Variants in RHCG observed in about 807,000 individuals in gnomAD.
The protein encoded by RHCG is Rh family C glycoprotein.
Under a neutral mutation model 55.3 loss-of-function variants are expected in RHCG, and 39 were observed. The ratio of observed to expected loss-of-function variants is 0.70; its 90% CI spans 0.55 to 0.92. RHCG has a LOEUF of 0.92. RHCG is among the 40% of genes least tolerant of loss of function. RHCG has a pLI of 0.00. For missense variants in RHCG, 635 were observed against 627.9 expected (o/e 1.01, Z -0.12); for synonymous variants, 250 against 246.8 (o/e 1.01, Z -0.12).
At chr15:89,491,773 A>C (rs1450883931) in intron 1 of RHCG, among the ~76,000 whole-genome samples, 1 of 148,454 alleles carries the variant, frequency 6.7e-6, no homozygotes, top group Non-Finnish European at 1.5e-5. Flanking sequence ...TCTCAAAAAA[A>C]TAAAAATTAA....
intron 8 of RHCG, 75 bp from the exon 9 acceptor site, chr15:89,476,903 G>A (rs2141888901): frequency 1.9e-6 from 3 of 1,552,108 alleles, no homozygotes; most frequent in Non-Finnish European, 2.7e-6. Context: ...CCCTCAGCTG[G>A]GAAAATCCTC....
chr15:89,476,850 AG>A, intron 8 of RHCG, 22 bp from the exon 9 acceptor site: 2 of 1,605,370 alleles, frequency 1.2e-6, no homozygotes, highest in Non-Finnish European at 1.7e-6. Context: ...TGGAGATTAC[AG>A]GATGTCAGGA....
intron 3 of RHCG, among the ~76,000 whole-genome samples, 200 bp downstream of exon 3, chr15:89,482,867 T>C (rs1185468204): frequency 6.6e-6 from 1 of 152,212 alleles, no homozygotes; most frequent in Non-Finnish European, 1.5e-5. Context: ...GTCCACGTGC[T>C]GGATTGATGG....
intron 9 of RHCG, 21 bp from the exon 10 acceptor site, chr15:89,472,884 T>C (rs1306356492): frequency 7.1e-7 from 1 of 1,416,530 alleles, no homozygotes; most frequent in African/African-American, 1.5e-5. Flanking sequence ...AGGATGCAAC[T>C]CTGAGGGCCC....
intron 3 of RHCG, among the ~76,000 whole-genome samples, 198 bp from the exon 4 acceptor site, chr15:89,480,606 C>G (rs185995321): frequency 5.9e-4 from 90 of 152,312 alleles, no homozygotes; most frequent in Admixed American, 1.2e-3. Context: ...AGCAAAATGC[C>G]AGGGTGTCCT....
chr15:89,494,985 C>A (rs972713991), intron 1 of RHCG, among the ~76,000 whole-genome samples: 2 of 152,030 alleles, frequency 1.3e-5, no homozygotes, highest in Admixed American at 6.6e-5. Flanking sequence ...CTGGAAAGTC[C>A]CCCCCTTGAG....
intron 2 of RHCG, 91 bp downstream of exon 2, chr15:89,486,708 C>T: frequency 7.0e-7 from 1 of 1,422,480 alleles, no homozygotes; most frequent in Non-Finnish European, 9.6e-7. Context: ...GCCCGGGTCC[C>T]GCCGATGGGC....
Position 89,477,825 on chromosome 15 carries a change from T to TGG in RHCG, c.975+10_975+11dup. On this transcript the variant is annotated intron_variant, in intron 6 of 10. Transcript: ENST00000268122. The surrounding 1 kb of genome is among the most constrained non-coding windows in gnomAD (Gnocchi z 4.5). Reference sequence around the variant, plus strand: ...ATTCTCTAGCCCCCAGCCCCTTGCCTGGGGCACTTACGGTCAGGTATACAA... The same window carrying TGG: ...ATTCTCTAGCCCCCAGCCCCTTGCCTGGGGGGCACTTACGGTCAGGTATACAA... 1 of 1,613,894 alleles carries TGG rather than the reference T, an allele frequency of 6.2e-7. No homozygotes were observed. Among genetic ancestry groups the TGG allele is most frequent in the Non-Finnish European group, 8.5e-7 (1 of 1,179,942 alleles).
intron 1 of RHCG, among the ~76,000 whole-genome samples, chr15:89,493,873 T>A (rs945879447): frequency 6.6e-6 from 1 of 152,086 alleles, no homozygotes; most frequent in African/African-American, 2.4e-5. Context: ...ATGGGGGTCA[T>A]CACACCACCT....
At chr15:89,487,508 T>C (rs1961397588) in intron 1 of RHCG, among the ~76,000 whole-genome samples, 1 of 152,176 alleles carries the variant, frequency 6.6e-6, no homozygotes, top group Admixed American at 6.5e-5. Context: ...CTGTGGAGAA[T>C]CAATGCTCAT....
rs1295048593 is a variant in RHCG, at chr15:89,474,905, C to A, written c.1311+1850G>T. Among the ~76,000 whole-genome samples, 80 of 138,524 alleles carry A rather than the reference C, an allele frequency of 5.8e-4. 1 individual carries two copies. Among genetic ancestry groups the A allele is most frequent in the African/African-American group, 2.3e-3 (73 of 32,078 alleles). The allele number at this position is 138,524 out of a possible 152,430, so 90.9% of individuals were successfully genotyped here. A position where few individuals can be genotyped will look rare whatever the true frequency, so the allele number is the denominator to read the frequency against. On this transcript the variant is annotated intron_variant, in intron 9 of 10. Transcript: ENST00000268122. ...TCCTGCCTGCCTTCCTTCCTTCCTG[C>A]CTGCCTTCCTTCCTGCCTGCCTGCC... is the stretch of plus-strand genomic sequence containing the variant.
At chr15:89,494,624 T>C (rs1596410505) in intron 1 of RHCG, among the ~76,000 whole-genome samples, 2 of 150,778 alleles carry the variant, frequency 1.3e-5, no homozygotes, top group South Asian at 2.1e-4. Context: ...TCTCTCTCTC[T>C]CTCATTTCTT....
intron 1 of RHCG, among the ~76,000 whole-genome samples, chr15:89,495,999 G>A (rs573518608): frequency 2.0e-5 from 3 of 152,348 alleles, no homozygotes; most frequent in East Asian, 1.9e-4. Context: ...CTTATTTGGA[G>A]TAAGCGCTCC....
Position 89,476,824 on chromosome 15 carries a change from G to A in RHCG, c.1242C>T (p.Leu414=), listed in dbSNP as rs748954655. Residue 414 remains leucine, a synonymous_variant, in exon 9 of 11, where the codon CTC becomes CTT. Transcript: ENST00000268122. Reference sequence around the variant, plus strand: ...GTCCCCAGAATGGTAATCTCAAAATGAGCCCTACAGAAAGTTGGAGATTAC... The same window carrying A: ...GTCCCCAGAATGGTAATCTCAAAATAAGCCCTACAGAAAGTTGGAGATTAC... ...MALMGGIIVG[L]ILRLPFWGQP... is the part of the protein sequence containing the mutation. 1.2e-5 allele frequency: 19 copies of A among 1,613,666 alleles called. No homozygotes were observed. Among genetic ancestry groups the A allele is most frequent in the Middle Eastern group, 1.7e-4 (1 of 6,060 alleles).
At chr15:89,493,815 C>T (rs1300072479) in intron 1 of RHCG, among the ~76,000 whole-genome samples, 1 of 152,182 alleles carries the variant, frequency 6.6e-6, no homozygotes, top group African/African-American at 2.4e-5. Context: ...GCTGAGTGAC[C>T]TTTGCAAGAC....
intron 9 of RHCG, among the ~76,000 whole-genome samples, chr15:89,473,297 A>G (rs1462872259): frequency 1.3e-5 from 2 of 152,176 alleles, no homozygotes; most frequent in African/African-American, 4.8e-5. Flanking sequence ...ACAGGTCCGA[A>G]AATGGGGTGG....
chr15:89,478,036 G>A (rs1275105171), intron 5 of RHCG, 62 bp from the exon 6 acceptor site: 2 of 1,543,722 alleles, frequency 1.3e-6, no homozygotes, highest in Non-Finnish European at 8.8e-7. Flanking sequence ...CGGGCCTGGA[G>A]GAGCTCACTT....
At chr15:89,472,596 G>T in intron 10 of RHCG, 115 bp downstream of exon 10, 1 of 1,046,212 alleles carries the variant, frequency 9.6e-7, no homozygotes, top group Non-Finnish European at 1.4e-6. Flanking sequence ...AGGGGTGGAA[G>T]CCCTCATTTC....
intron 9 of RHCG, among the ~76,000 whole-genome samples, chr15:89,475,608 A>G (rs775008260): frequency 6.6e-6 from 1 of 152,124 alleles, no homozygotes; most frequent in African/African-American, 2.4e-5. Flanking sequence ...CCCGGTCCCT[A>G]CTGAATCAGA....
Sources: gnomAD v4.1 joint callset for allele counts (sites outside exome capture counted in the v4.1 genomes callset) on GRCh38, gnomAD v4.1.1 for gene constraint, Gnocchi (gnomAD v3.1) non-coding constraint, MANE v1.5 for transcripts, NCBI Gene and HGNC (gene_info 2026-07-23, HGNC 2026-07-21) for gene names.